The following RAB38 variants were observed in gnomAD, a reference collection of about 807,000 sequenced individuals.
RAB38 encodes the protein ras-related protein Rab-38.
In RAB38, 15 loss-of-function variants were observed where a neutral mutation model predicts 18.4. That is an observed-to-expected ratio of 0.82 (90% confidence interval 0.55 to 1.26). The LOEUF (loss-of-function observed/expected upper bound fraction) is 1.26, where lower values mean the gene tolerates loss of function less well. Among genes scored for constraint, RAB38 ranks in the 50% most tolerant of loss-of-function variants. The pLI is 0.00. For synonymous variants in RAB38, 101 were observed against 104.4 expected, an observed-to-expected ratio of 0.97 and a Z score of 0.20; for missense variants, 294 against 267.4, an observed-to-expected ratio of 1.10 and a Z score of -0.69.
At chr11:88,126,414 G>A (rs1034442002) in intron 2 of RAB38, among the ~76,000 whole-genome samples, 2 of 152,092 alleles carry the variant, frequency 1.3e-5, no homozygotes, top group African/African-American at 4.8e-5. Flanking sequence ...CGTGGATGAA[G>A]CTGGAAACCA....
At chr11:88,140,922 A>G (rs1476127459) in intron 2 of RAB38, among the ~76,000 whole-genome samples, 5 of 152,168 alleles carry the variant, frequency 3.3e-5, no homozygotes, top group African/African-American at 9.7e-5. Context: ...ATTCCATTTC[A>G]GATATGTTGG....
chr11:87,912,768 T>C, the RAB38 span, among the ~76,000 whole-genome samples: 2 of 146,814 alleles, frequency 1.4e-5, no homozygotes, highest in South Asian at 4.2e-4. Context: ...CTTTCTTTCT[T>C]TTTTTTTTTT....
At chr11:88,109,175 T>C (rs1308248712), downstream of RAB38, among the ~76,000 whole-genome samples, 1 of 152,076 alleles carries the variant, frequency 6.6e-6, no homozygotes, top group Non-Finnish European at 1.5e-5. Context: ...ATGGTACTGG[T>C]ACCAAAACAG....
the RAB38 span, among the ~76,000 whole-genome samples, chr11:88,039,671 A>C: frequency 6.6e-6 from 1 of 152,210 alleles, no homozygotes; most frequent in East Asian, 1.9e-4. Context: ...GGAGAGCCTG[A>C]CTGGCGAGGT....
the RAB38 span, among the ~76,000 whole-genome samples, chr11:87,897,732 A>G: frequency 6.6e-6 from 1 of 151,704 alleles, no homozygotes; most frequent in Non-Finnish European, 1.5e-5. Flanking sequence ...CCACCATTAC[A>G]GGATAAATGA....
the RAB38 span, among the ~76,000 whole-genome samples, chr11:88,072,949 C>T: frequency 6.6e-6 from 1 of 151,976 alleles, no homozygotes; most frequent in Non-Finnish European, 1.5e-5. Context: ...ATTCCTGGGA[C>T]CATAAAAAAC....
chr11:87,949,909 C>G, the RAB38 span, among the ~76,000 whole-genome samples: 1 of 152,152 alleles, frequency 6.6e-6, no homozygotes, highest in Admixed American at 6.6e-5. Flanking sequence ...ATTAGGTCTG[C>G]TTGGTGCAGA....
the RAB38 span, among the ~76,000 whole-genome samples, chr11:88,031,656 G>A: frequency 6.6e-6 from 1 of 151,044 alleles, no homozygotes; most frequent in Non-Finnish European, 1.5e-5. Flanking sequence ...AAAATACCTA[G>A]GAATCCAACT....
the RAB38 span, among the ~76,000 whole-genome samples, chr11:88,081,168 T>G: frequency 1.3e-5 from 2 of 151,884 alleles, no homozygotes; most frequent in African/African-American, 4.8e-5. Context: ...GCAAAACAAT[T>G]GAAACAGTCA....
the RAB38 span, among the ~76,000 whole-genome samples, chr11:87,843,227 C>G: frequency 6.6e-6 from 1 of 152,222 alleles, no homozygotes; most frequent in African/African-American, 2.4e-5. Context: ...GAGCGTCTTT[C>G]AGTAGAAGCC....
the RAB38 span, among the ~76,000 whole-genome samples, chr11:87,848,414 A>G: frequency 6.6e-6 from 1 of 152,138 alleles, no homozygotes; most frequent in Non-Finnish European, 1.5e-5. Flanking sequence ...CTCCTAAAAT[A>G]CTGGAAGTTG....
chr11:88,056,428 A>AT, the RAB38 span, among the ~76,000 whole-genome samples: 1 of 152,064 alleles, frequency 6.6e-6, no homozygotes, highest in Non-Finnish European at 1.5e-5. Flanking sequence ...CAAAATGAGG[A>AT]TTGTCAGGGA....
At chr11:87,839,524 T>G in the RAB38 span, among the ~76,000 whole-genome samples, 6 of 152,186 alleles carry the variant, frequency 3.9e-5, no homozygotes, top group Non-Finnish European at 2.9e-5. Context: ...CAAGCTGTGC[T>G]TCTTTAATTA....
the RAB38 span, among the ~76,000 whole-genome samples, chr11:87,863,621 G>T: frequency 0.036 from 5,473 of 151,804 alleles, 140 homozygotes; most frequent in Non-Finnish European, 0.054. Context: ...TAAAAACCTG[G>T]AGACCTAAAG....
chr11:88,161,468 T>C (rs1175819261), intron 1 of RAB38, among the ~76,000 whole-genome samples: 6 of 152,218 alleles, frequency 3.9e-5, no homozygotes, highest in African/African-American at 9.6e-5. Context: ...CTGACACTTA[T>C]TATGCTGTGC....
chr11:87,957,127 ATTTAC>A, the RAB38 span, among the ~76,000 whole-genome samples: 2 of 151,966 alleles, frequency 1.3e-5, no homozygotes, highest in Non-Finnish European at 2.9e-5. Flanking sequence ...GAGGAAAAAT[ATTTAC>A]TTTTTCACTC....
the RAB38 span, among the ~76,000 whole-genome samples, chr11:87,971,224 G>A: frequency 6.6e-6 from 1 of 152,084 alleles, no homozygotes; most frequent in Admixed American, 6.6e-5. Flanking sequence ...AGTTACAGTG[G>A]ATTTAATTGG....
the RAB38 span, among the ~76,000 whole-genome samples, chr11:87,811,791 C>G: frequency 3.3e-5 from 5 of 151,990 alleles, no homozygotes; most frequent in Non-Finnish European, 7.4e-5. Context: ...ATACATATTA[C>G]TCATATTTTA....
the RAB38 span, among the ~76,000 whole-genome samples, chr11:87,848,695 C>A: frequency 6.6e-6 from 1 of 152,012 alleles, no homozygotes; most frequent in Non-Finnish European, 1.5e-5. Flanking sequence ...CTTTGAAGTT[C>A]CTTATCTCTC....
Sources: gnomAD v4.1 joint callset for allele counts (sites outside exome capture counted in the v4.1 genomes callset) on GRCh38, gnomAD v4.1.1 for gene constraint, MANE v1.5 for transcripts, NCBI Gene and HGNC (gene_info 2026-07-23, HGNC 2026-07-21) for gene names.